The following ANXA10 variants were observed in gnomAD, a reference collection of about 807,000 sequenced individuals.
ANXA10 encodes the protein annexin 14.
A neutral mutation model predicts 53.5 loss-of-function variants in ANXA10; 49 were observed. The observed-to-expected ratio is 0.92, with a 90% CI of 0.73 to 1.16. The LOEUF (loss-of-function observed/expected upper bound fraction) is 1.16, where lower values mean the gene tolerates loss of function less well. Among genes scored for constraint, ANXA10 ranks in the 50% most tolerant of loss-of-function variants. The pLI, the probability that ANXA10 is intolerant of heterozygous loss-of-function variation, is 0.00. For missense variants in ANXA10, 393 were observed against 394.4 expected (o/e 1.00, Z 0.03); for synonymous variants, 131 against 128.9 (o/e 1.02, Z -0.11).
intron 3 of ANXA10, among the ~76,000 whole-genome samples, chr4:168,150,903 CA>C (rs1731486140): frequency 6.6e-6 from 1 of 152,092 alleles, no homozygotes; most frequent in East Asian, 1.9e-4. Flanking sequence ...TGGTTGATAT[CA>C]GGGGTGGAGT....
chr4:168,097,548 C>G (rs543795414), intron 1 of ANXA10, among the ~76,000 whole-genome samples: 1 of 152,098 alleles, frequency 6.6e-6, no homozygotes, highest in East Asian at 1.9e-4. Flanking sequence ...CAAGTGTCTA[C>G]TCATTGAGTA....
chr4:168,178,723 T>C (rs1311666176), intron 8 of ANXA10, among the ~76,000 whole-genome samples: 2 of 152,130 alleles, frequency 1.3e-5, no homozygotes, highest in African/African-American at 4.8e-5. Flanking sequence ...TTTAACACAA[T>C]TCTAAATTAG....
chr4:168,141,660 G>C (rs1731327716), intron 3 of ANXA10, among the ~76,000 whole-genome samples: 1 of 152,190 alleles, frequency 6.6e-6, no homozygotes. Context: ...TTACTTGAAG[G>C]GAAAGAGGGA....
At chr4:168,096,501 T>C (rs1243802604) in intron 1 of ANXA10, among the ~76,000 whole-genome samples, 1 of 152,138 alleles carries the variant, frequency 6.6e-6, no homozygotes, top group Non-Finnish European at 1.5e-5. Flanking sequence ...TTGTTGTAAA[T>C]TTTTAAAAAT....
chr4:168,147,007 C>T (rs944564351), intron 3 of ANXA10, among the ~76,000 whole-genome samples: 9 of 152,174 alleles, frequency 5.9e-5, no homozygotes, highest in African/African-American at 2.2e-4. Flanking sequence ...TCTGAATCGC[C>T]AGTGAACCAG....
intron 2 of ANXA10, among the ~76,000 whole-genome samples, chr4:168,129,727 AT>A (rs1012090045): frequency 6.6e-6 from 1 of 152,188 alleles, no homozygotes; most frequent in African/African-American, 2.4e-5. Context: ...TCTGAAACAA[AT>A]GAAAGTGAGT....
rs1183721020 is a variant in ANXA10, at chr4:168,177,813, AG to A, written c.534+21del. 1 of 1,614,000 alleles carries A rather than the reference AG, an allele frequency of 6.2e-7. No homozygotes were observed. The highest frequency in any genetic ancestry group is 1.7e-5 in the Admixed American group (1 of 60,028). Reference sequence around the variant, plus strand: ...GCAATGGTAACTAGAACCAGTTCTCAGACTGACTGCAAAGAACCTGGGTTAA... The same window carrying A: ...GCAATGGTAACTAGAACCAGTTCTCAACTGACTGCAAAGAACCTGGGTTAA... On this transcript the variant is annotated intron_variant, in intron 7 of 11. Transcript: ENST00000359299.
intron 3 of ANXA10, among the ~76,000 whole-genome samples, chr4:168,139,855 T>C (rs1731299217): frequency 6.6e-6 from 1 of 152,222 alleles, no homozygotes; most frequent in Non-Finnish European, 1.5e-5. Flanking sequence ...TGAAAAGTTT[T>C]GATGAACTTA....
intron 3 of ANXA10, among the ~76,000 whole-genome samples, chr4:168,144,324 T>C (rs1731373776): frequency 6.6e-6 from 1 of 152,124 alleles, no homozygotes; most frequent in Non-Finnish European, 1.5e-5. Flanking sequence ...GTAGCTGAGA[T>C]TACAGGACCG....
chr4:168,184,213 G>A (rs991327197), intron 10 of ANXA10, among the ~76,000 whole-genome samples: 3 of 152,206 alleles, frequency 2.0e-5, no homozygotes, highest in Admixed American at 2.0e-4. Context: ...AATGCAGTGT[G>A]AGTGGGACGG....
chr4:168,138,862 A>G (rs960615681), intron 2 of ANXA10, among the ~76,000 whole-genome samples: 3 of 152,148 alleles, frequency 2.0e-5, no homozygotes, highest in Admixed American at 6.5e-5. Flanking sequence ...ACTATTATAA[A>G]TGGAATTGAG....
chr4:168,141,210 CT>C (rs1731320062), intron 3 of ANXA10, among the ~76,000 whole-genome samples: 1 of 152,186 alleles, frequency 6.6e-6, no homozygotes, highest in South Asian at 2.1e-4. Context: ...AAAACCTTGG[CT>C]GATACACTAA....
At chr4:168,149,273 C>A (rs74332150) in intron 3 of ANXA10, among the ~76,000 whole-genome samples, 2,078 of 152,194 alleles carry the variant, frequency 0.014, 48 homozygotes, top group African/African-American at 0.044. Flanking sequence ...TCTCATTCAC[C>A]CTTTCAAGTC....
chr4:168,104,094 T>C (rs1327116611), intron 1 of ANXA10, among the ~76,000 whole-genome samples: 1 of 151,954 alleles, frequency 6.6e-6, no homozygotes, highest in African/African-American at 2.4e-5. Context: ...ATTTGCTTAG[T>C]TTTTAACATG....
intron 1 of ANXA10, among the ~76,000 whole-genome samples, chr4:168,095,975 G>A (rs1245244808): frequency 1.3e-5 from 2 of 152,154 alleles, no homozygotes; most frequent in Non-Finnish European, 2.9e-5. Context: ...GCAACAGCAT[G>A]TTAGGCAGTG....
intron 3 of ANXA10, among the ~76,000 whole-genome samples, chr4:168,157,790 A>G (rs1456032025): frequency 6.6e-6 from 1 of 152,148 alleles, no homozygotes; most frequent in Non-Finnish European, 1.5e-5. Flanking sequence ...TTGTGAAGCT[A>G]TGTGTATTCT....
intron 1 of ANXA10, among the ~76,000 whole-genome samples, chr4:168,110,444 C>CTTT (rs70957898): frequency 5.6e-4 from 71 of 127,570 alleles, no homozygotes; most frequent in Non-Finnish European, 9.0e-4. Context: ...TGTGTTAATT[C>CTTT]TTTTTTTTTT....
chr4:168,163,689 A>G (rs1436873861), intron 4 of ANXA10, among the ~76,000 whole-genome samples: 1 of 152,174 alleles, frequency 6.6e-6, no homozygotes, highest in East Asian at 1.9e-4. Context: ...TCACAGACCA[A>G]TATATCCATG....
intron 2 of ANXA10, among the ~76,000 whole-genome samples, chr4:168,128,420 A>G (rs1015857919): frequency 3.9e-5 from 6 of 152,198 alleles, no homozygotes; most frequent in Non-Finnish European, 7.3e-5. Context: ...TAAGTGCCTC[A>G]TCACTAACTA....
Sources: allele counts gnomAD v4.1 joint callset (sites outside exome capture counted in the v4.1 genomes callset), GRCh38; gene constraint gnomAD v4.1.1; transcripts MANE v1.5; gene names NCBI Gene and HGNC (gene_info 2026-07-23, HGNC 2026-07-21).